Variants in AAGAB observed in about 807,000 individuals in gnomAD.
The protein encoded by AAGAB is alpha and gamma adaptin binding protein.
AAGAB carries 38 observed loss-of-function variants against 44.1 expected under a neutral mutation model. That is an observed-to-expected ratio of 0.86 (90% CI 0.67 to 1.13). The LOEUF (loss-of-function observed/expected upper bound fraction) is 1.13. Among genes scored for constraint, AAGAB ranks in the 50% most tolerant of loss-of-function variants. The pLI, the probability that AAGAB is intolerant of heterozygous loss-of-function variation, is 0.00. For missense variants in AAGAB, 450 were observed against 373.8 expected (o/e 1.20, Z -1.68); for synonymous variants, 131 against 131.8 (o/e 0.99, Z 0.04).
chr15:67,236,345 T>C (rs1394086721), intron 3 of AAGAB, 63 bp downstream of exon 3: 1 of 1,403,854 alleles, frequency 7.1e-7, no homozygotes, highest in East Asian at 2.3e-5. Flanking sequence ...GAAACAGATG[T>C]ACTCTGTTTA....
chr15:67,240,338 A>T (rs1964566821), intron 1 of AAGAB, among the ~76,000 whole-genome samples: 1 of 152,126 alleles, frequency 6.6e-6, no homozygotes, highest in Non-Finnish European at 1.5e-5. Flanking sequence ...CCTTCACTAA[A>T]TTATTATGTT....
chr15:67,209,536 G>C lies in AAGAB; in HGVS notation c.544C>G (p.Gln182Glu), dbSNP rs1230006273. The change falls in exon 6 of 10, where the codon CAA (glutamine) becomes GAA (glutamate). Residue 182 changes from glutamine (Q) to glutamate (E), a missense_variant. By Grantham distance (29) the Gln-to-Glu change is conservative. Coordinates refer to ENST00000261880, the MANE Select transcript of AAGAB (RefSeq NM_024666.5). The stretch of plus-strand genomic sequence containing the variant: ...AATGAGTTGAGAAGGCTAAAGCCTT[G>C]GTTCCTATCTGAAAAGGAAAAATAC... ...SNVVMKNDRN[Q>E]GFSLLNSLTG... The C allele has an allele frequency of 4.3e-6, 7 of 1,613,372 alleles. No individual in the cohort carries two copies. The highest frequency in any genetic ancestry group is 1.6e-4 in the Middle Eastern group (1 of 6,082).
At chr15:67,239,441 C>T (rs945188721) in intron 1 of AAGAB, among the ~76,000 whole-genome samples, 1 of 152,214 alleles carries the variant, frequency 6.6e-6, no homozygotes, top group Non-Finnish European at 1.5e-5. Context: ...GAGAAAGAAG[C>T]TGTTTCTTTC....
At position 67,209,509 on chromosome 15, in the gene AAGAB, T is replaced by A; in HGVS notation, c.571A>T (p.Thr191Ser). 1 of 1,614,198 alleles carries A rather than the reference T, an allele frequency of 6.2e-7. No individual in the cohort carries two copies. Among genetic ancestry groups the A allele is most frequent in the Non-Finnish European group, 8.5e-7 (1 of 1,180,024 alleles). The change falls in exon 6 of 10, where the codon ACT (threonine) becomes TCT (serine). Residue 191 changes from threonine to serine, a missense_variant. Physicochemically the swap from Thr to Ser is moderately conservative, Grantham distance 58 (BLOSUM62 1). Transcript: ENST00000261880. ...GACCCAATGCTATGGTTTGTTCCAGTCAATGAGTTGAGAAGGCTAAAGCCT... is the reference window on the plus strand; with the variant it reads ...GACCCAATGCTATGGTTTGTTCCAGACAATGAGTTGAGAAGGCTAAAGCCT... ...NQGFSLLNSL[T>S]GTNHSIGSAD...
chr15:67,203,022 C>CA, intron 9 of AAGAB, 124 bp from the exon 10 acceptor site: 1 of 790,874 alleles, frequency 1.3e-6, no homozygotes, highest in South Asian at 1.5e-5. Flanking sequence ...TCTGGCAACA[C>CA]ATATCAGAAC....
chr15:67,233,788 T>G (rs1445044095), intron 4 of AAGAB, among the ~76,000 whole-genome samples: 2 of 152,180 alleles, frequency 1.3e-5, no homozygotes, highest in Non-Finnish European at 1.5e-5. Context: ...CCCCCTACAC[T>G]GAAAACTCCT....
At chr15:67,211,885 C>CTT (rs11397902) in intron 5 of AAGAB, among the ~76,000 whole-genome samples, 51 of 147,864 alleles carry the variant, frequency 3.4e-4, no homozygotes, top group Non-Finnish European at 5.2e-4. Context: ...ATGCCTAATT[C>CTT]TTTTTTTTTT....
intron 4 of AAGAB, among the ~76,000 whole-genome samples, chr15:67,233,052 G>A (rs1401286777): frequency 6.6e-6 from 1 of 150,606 alleles, no homozygotes; most frequent in East Asian, 2.0e-4. Flanking sequence ...CACATTCCTG[G>A]CACAGTACTA....
Position 67,253,147 on chromosome 15 carries a change from C to A in AAGAB, c.73+1412G>T, listed in dbSNP as rs528602142. ...ATAGATAGAAGGTGAAGGGGCCGGGCGCGGTGGTGACTCACACCTGTAATC... is the reference window on the plus strand; with the variant it reads ...ATAGATAGAAGGTGAAGGGGCCGGGAGCGGTGGTGACTCACACCTGTAATC... On this transcript the variant is annotated intron_variant, in intron 1 of 9. Transcript: ENST00000261880. Among the ~76,000 whole-genome samples the A allele has an allele frequency of 1.4e-4, 21 of 151,378 alleles. No individual in the cohort carries two copies. In the South Asian group the frequency reaches 4.4e-3, roughly 32 times the overall value.
intron 1 of AAGAB, among the ~76,000 whole-genome samples, chr15:67,252,979 C>T (rs574668217): frequency 6.6e-6 from 1 of 152,314 alleles, no homozygotes; most frequent in African/African-American, 2.4e-5. Flanking sequence ...GAAATAGGCT[C>T]ATATGCCCCA....
intron 5 of AAGAB, among the ~76,000 whole-genome samples, chr15:67,222,230 ACGCGCGCGCGCG>A (rs372896757): frequency 9.0e-5 from 12 of 133,848 alleles, no homozygotes; most frequent in African/African-American, 2.7e-4. Context: ...ATGCACGCGC[ACGCGCGCGCGCG>A]CACACACACA....
chr15:67,254,974 G>T, upstream of AAGAB: 2 of 1,604,486 alleles, frequency 1.2e-6, no homozygotes, highest in Non-Finnish European at 1.7e-6. Context: ...CCCCGGCCCT[G>T]CCCTGCCCAG....
At chr15:67,212,282 AT>A (rs1417580435) in intron 5 of AAGAB, among the ~76,000 whole-genome samples, 1 of 152,070 alleles carries the variant, frequency 6.6e-6, no homozygotes. Flanking sequence ...TAAACCTTTA[AT>A]TTTTGTTACA....
chr15:67,253,428 AAAACAAAAAT>A (rs1235508230), intron 1 of AAGAB, among the ~76,000 whole-genome samples: 1 of 151,600 alleles, frequency 6.6e-6, no homozygotes, highest in Non-Finnish European at 1.5e-5. Flanking sequence ...ACCCTATCTC[AAAACAAAAAT>A]AAAAAAAAGG....
At chr15:67,207,098 G>A (rs1205225988) in intron 7 of AAGAB, among the ~76,000 whole-genome samples, 3 of 152,216 alleles carry the variant, frequency 2.0e-5, no homozygotes, top group African/African-American at 7.2e-5. Context: ...GCTGAGGCAG[G>A]AGAATCGCTT....
At chr15:67,242,198 T>G (rs920066360) in intron 1 of AAGAB, among the ~76,000 whole-genome samples, 1 of 135,468 alleles carries the variant, frequency 7.4e-6, no homozygotes, top group Non-Finnish European at 1.6e-5. Flanking sequence ...CCGAGGCGGG[T>G]GGATCATGAG....
intron 1 of AAGAB, among the ~76,000 whole-genome samples, chr15:67,242,393 G>A (rs989163207): frequency 3.1e-4 from 25 of 81,716 alleles, no homozygotes; most frequent in African/African-American, 7.6e-4. Flanking sequence ...ACTGCAGTCC[G>A]CAGTCCGGCC....
chr15:67,236,612 T>A lies in AAGAB; in HGVS notation c.264+18A>T. On this transcript the variant is annotated intron_variant, in intron 2 of 9. Coordinates refer to ENST00000261880, the MANE Select transcript of AAGAB (RefSeq NM_024666.5). ...CAATAATTTCTTATTCAAGCCTTCA[T>A]AGAAAACAAAGTCTTACTTGTGTGC... 2 of 1,609,914 alleles carry A rather than the reference T, an allele frequency of 1.2e-6. No individual in the cohort carries two copies. Among genetic ancestry groups the A allele is most frequent in the Non-Finnish European group, 1.7e-6 (2 of 1,177,816 alleles).
intron 4 of AAGAB, among the ~76,000 whole-genome samples, chr15:67,234,194 A>C (rs1964411073): frequency 6.6e-6 from 1 of 152,056 alleles, no homozygotes; most frequent in Admixed American, 6.5e-5. Context: ...TGGAGCTTGC[A>C]GTGAGCAGAG....
Sources: gnomAD v4.1 joint callset for allele counts (sites outside exome capture counted in the v4.1 genomes callset) on GRCh38, gnomAD v4.1.1 for gene constraint, MANE v1.5 for transcripts, NCBI Gene and HGNC (gene_info 2026-07-23, HGNC 2026-07-21) for gene names.